Variants in MAML2 observed in about 807,000 individuals in gnomAD.
MAML2 encodes the protein mastermind-like protein 2.
Under a neutral mutation model 96.1 loss-of-function variants are expected in MAML2, and 22 were observed. That is an observed-to-expected ratio of 0.23 (90% CI 0.16 to 0.33). The LOEUF (loss-of-function observed/expected upper bound fraction) is 0.33. MAML2 is among the 10% of genes least tolerant of loss of function. MAML2 has a pLI of 1.00. For synonymous variants in MAML2, 561 were observed against 521.3 expected, an observed-to-expected ratio of 1.08 and a Z score of -1.04; for missense variants, 1,367 against 1,392.4, an observed-to-expected ratio of 0.98 and a Z score of 0.29.
chr11:96,229,904 C>A (rs1245679161), intron 1 of MAML2, among the ~76,000 whole-genome samples: 3 of 152,060 alleles, frequency 2.0e-5, no homozygotes, highest in Non-Finnish European at 4.4e-5. Context: ...AATCAATTTG[C>A]AGTATTTTGG....
chr11:96,162,196 T>C (rs912916650), intron 1 of MAML2, among the ~76,000 whole-genome samples: 1 of 141,804 alleles, frequency 7.1e-6, no homozygotes, highest in African/African-American at 2.6e-5. Context: ...TTTTTTTTTT[T>C]TTTCTGCAAT....
At chr11:96,048,216 A>C (rs1305223099) in intron 2 of MAML2, among the ~76,000 whole-genome samples, 2 of 152,178 alleles carry the variant, frequency 1.3e-5, no homozygotes, top group Non-Finnish European at 2.9e-5. Context: ...ACCCCCATAC[A>C]CTGCAGTTAA....
At chr11:96,075,432 T>C (rs570912244) in intron 2 of MAML2, among the ~76,000 whole-genome samples, 1 of 152,332 alleles carries the variant, frequency 6.6e-6, no homozygotes, top group Non-Finnish European at 1.5e-5. Flanking sequence ...GTATGGTGTC[T>C]ATTATTATCT....
chr11:96,184,058 G>A (rs750653148), intron 1 of MAML2, among the ~76,000 whole-genome samples: 17 of 152,162 alleles, frequency 1.1e-4, no homozygotes, highest in South Asian at 4.1e-4. Flanking sequence ...TATGCACTCA[G>A]TTCTGTCCTT....
Position 96,265,168 on chromosome 11 carries a change from T to TGCCCCCC in MAML2, c.513+76214_513+76215insGGGGGGC, listed in dbSNP as rs1330890863. ...AAGCTACAGAAGAGGCCCAAGCAAT[T>TGCCCCCC]GCCAGTACAAGCAGGCACGATGCAA... On this transcript the variant is annotated intron_variant, in intron 1 of 4. Transcript: ENST00000524717. Among the ~76,000 whole-genome samples the TGCCCCCC allele has an allele frequency of 6.3e-4, 96 of 152,292 alleles. 1 individual carries two copies. The highest frequency in any genetic ancestry group is 2.3e-3 in the African/African-American group (94 of 41,556).
intron 1 of MAML2, among the ~76,000 whole-genome samples, chr11:96,299,684 C>T (rs954441521): frequency 6.6e-6 from 1 of 152,200 alleles, no homozygotes; most frequent in African/African-American, 2.4e-5. Flanking sequence ...TTGAGACGTG[C>T]TCCTCCTTAC....
chr11:96,231,169 C>T (rs1293983219), intron 1 of MAML2, among the ~76,000 whole-genome samples: 1 of 152,096 alleles, frequency 6.6e-6, no homozygotes, highest in Non-Finnish European at 1.5e-5. Context: ...TATATAAAAA[C>T]TCTCCTGATT....
At chr11:95,989,328 T>G (rs902830545) in intron 3 of MAML2, among the ~76,000 whole-genome samples, 1 of 152,088 alleles carries the variant, frequency 6.6e-6, no homozygotes. Flanking sequence ...TGAATGGTTT[T>G]TAAAAATCAC....
At chr11:96,313,113 G>A (rs969944789) in intron 1 of MAML2, among the ~76,000 whole-genome samples, 3 of 152,122 alleles carry the variant, frequency 2.0e-5, no homozygotes, top group East Asian at 1.9e-4. Flanking sequence ...CCATCTAATC[G>A]TCATTATCCC....
chr11:96,188,712 G>C (rs1861609403), intron 1 of MAML2, among the ~76,000 whole-genome samples: 1 of 151,968 alleles, frequency 6.6e-6, no homozygotes, highest in Non-Finnish European at 1.5e-5. Context: ...AAGATTCAGG[G>C]AGTGTATGAG....
chr11:96,059,965 A>G (rs1004767125), intron 2 of MAML2, among the ~76,000 whole-genome samples: 9 of 152,216 alleles, frequency 5.9e-5, no homozygotes, highest in Non-Finnish European at 1.0e-4. Context: ...GAAATATGCT[A>G]AAAGGTGCTG....
At chr11:96,303,204 A>G (rs1863413599) in intron 1 of MAML2, among the ~76,000 whole-genome samples, 1 of 152,252 alleles carries the variant, frequency 6.6e-6, no homozygotes, top group African/African-American at 2.4e-5. Flanking sequence ...AAAGTGCAGC[A>G]CATGACTCAC....
chr11:95,984,317 C>G (rs1031096084), intron 4 of MAML2, among the ~76,000 whole-genome samples: 5 of 152,158 alleles, frequency 3.3e-5, no homozygotes, highest in Non-Finnish European at 7.4e-5. Flanking sequence ...TCAGAACATA[C>G]CCCCAACATT....
chr11:96,154,231 C>CAAATT (rs1860975118), intron 1 of MAML2, among the ~76,000 whole-genome samples: 1 of 152,066 alleles, frequency 6.6e-6, no homozygotes, highest in Non-Finnish European at 1.5e-5. Flanking sequence ...TCGGGTGGGG[C>CAAATT]CTGAGAATTT....
intron 1 of MAML2, among the ~76,000 whole-genome samples, chr11:96,294,516 T>C (rs986993929): frequency 5.9e-5 from 9 of 152,214 alleles, no homozygotes; most frequent in African/African-American, 2.2e-4. Flanking sequence ...AGCTTCTGTA[T>C]GAATTGTTAC....
At chr11:96,202,690 C>T (rs897290459) in intron 1 of MAML2, among the ~76,000 whole-genome samples, 65 of 151,632 alleles carry the variant, frequency 4.3e-4, no homozygotes, top group African/African-American at 1.5e-3. Flanking sequence ...TGCAATGGCA[C>T]GATCTTGGCT....
chr11:96,222,056 T>C (rs1862148319), intron 1 of MAML2, among the ~76,000 whole-genome samples: 1 of 152,188 alleles, frequency 6.6e-6, no homozygotes, highest in Admixed American at 6.5e-5. Flanking sequence ...CTGGTGATTT[T>C]ATTAAAACCA....
chr11:95,994,095 G>T (rs1161371026), intron 2 of MAML2, among the ~76,000 whole-genome samples: 1 of 152,188 alleles, frequency 6.6e-6, no homozygotes, highest in Non-Finnish European at 1.5e-5. Flanking sequence ...TGAGAAGAAA[G>T]ATTTTTGTAC....
chr11:96,045,967 G>A (rs1858894587), intron 2 of MAML2, among the ~76,000 whole-genome samples: 1 of 128,968 alleles, frequency 7.8e-6, no homozygotes, highest in South Asian at 2.4e-4. Context: ...CTTCTGTTTT[G>A]TTAGGTCTTA....
Sources: allele counts gnomAD v4.1 joint callset (sites outside exome capture counted in the v4.1 genomes callset), GRCh38; gene constraint gnomAD v4.1.1; transcripts MANE v1.5; gene names NCBI Gene and HGNC (gene_info 2026-07-23, HGNC 2026-07-21).